The following DCHS2 variants were observed in gnomAD, a reference collection of about 807,000 sequenced individuals.
DCHS2 encodes the protein protocadherin-23.
DCHS2 carries 142 observed loss-of-function variants against 182.4 expected under a neutral mutation model. The observed-to-expected ratio is 0.78, with a 90% CI of 0.68 to 0.89. The LOEUF is 0.89. DCHS2 is among the 40% of genes least tolerant of loss of function. DCHS2 has a pLI of 0.00. For missense variants in DCHS2, 4,319 were observed against 4,198.6 expected, an observed-to-expected ratio of 1.03 and a Z score of -0.79; for synonymous variants, 1,740 against 1,663.3, an observed-to-expected ratio of 1.05 and a Z score of -1.12.
chr4:154,410,574 C>CAA (rs1160670540), intron 1 of DCHS2, among the ~76,000 whole-genome samples: 49 of 35,372 alleles, frequency 1.4e-3, no homozygotes, highest in East Asian at 2.7e-3. Flanking sequence ...GACTCCATCT[C>CAA]AAAAAAAAAA....
intron 6 of DCHS2, among the ~76,000 whole-genome samples, chr4:154,329,154 T>C (rs1377382841): frequency 6.6e-6 from 1 of 152,178 alleles, no homozygotes; most frequent in East Asian, 1.9e-4. Context: ...TACCCTTAAG[T>C]AACTATCTTA....
intron 4 of DCHS2, chr4:154,334,646 A>C (rs984907674): frequency 1.9e-6 from 1 of 522,534 alleles, no homozygotes; most frequent in Admixed American, 3.3e-5. Flanking sequence ...TATTTTAAAC[A>C]TTCTTTTTAA....
intron 1 of DCHS2, among the ~76,000 whole-genome samples, chr4:154,431,307 T>G (rs1485793780): frequency 1.3e-5 from 2 of 152,138 alleles, no homozygotes; most frequent in African/African-American, 4.8e-5. Context: ...GTGTATGACT[T>G]AAAGAAATCA....
chr4:154,326,925 C>T (rs1736307653), intron 7 of DCHS2, among the ~76,000 whole-genome samples: 1 of 152,178 alleles, frequency 6.6e-6, no homozygotes, highest in Non-Finnish European at 1.5e-5. Context: ...CCTCATTGAA[C>T]ATTTGATTGA....
chr4:154,286,195 A>G (rs529205485), intron 13 of DCHS2, among the ~76,000 whole-genome samples: 1 of 152,234 alleles, frequency 6.6e-6, no homozygotes, highest in South Asian at 2.1e-4. Flanking sequence ...CACAACACCA[A>G]AGTCACTTCG....
intron 14 of DCHS2, among the ~76,000 whole-genome samples, chr4:154,266,660 A>AC (rs1733281650): frequency 6.6e-6 from 1 of 151,680 alleles, no homozygotes; most frequent in Non-Finnish European, 1.5e-5. Flanking sequence ...CGTCTCAAAA[A>AC]AAAAAAAAAA....
At chr4:154,348,074 C>A (rs1239068708) in intron 3 of DCHS2, among the ~76,000 whole-genome samples, 1 of 151,966 alleles carries the variant, frequency 6.6e-6, no homozygotes, top group Admixed American at 6.5e-5. Context: ...AAGCTGGATA[C>A]TGACACAAGT....
chr4:154,329,681 G>A lies in DCHS2; in HGVS notation c.3760C>T (p.Arg1254Cys), dbSNP rs770120703. The A allele has an allele frequency of 3.1e-6, 5 of 1,611,866 alleles. No homozygotes were observed. The highest frequency in any genetic ancestry group is 4.2e-6 in the Non-Finnish European group (5 of 1,179,822). ...ATCTCATGGTGCCCCCGGTGCTCAC[G>A]ATCCAGTGCCACCCAATTGATTAAC... ...GELINWVALD[R>C]EHRGHHEMTV... Residue 1254 changes from arginine to cysteine, a missense_variant, in exon 6 of 20, where the codon CGT (arginine) becomes TGT (cysteine). Coordinates refer to ENST00000357232, the MANE Select transcript of DCHS2 (RefSeq NM_001358235.2).
intron 1 of DCHS2, among the ~76,000 whole-genome samples, chr4:154,444,305 A>G (rs1442685649): frequency 6.6e-6 from 1 of 152,096 alleles, no homozygotes; most frequent in African/African-American, 2.4e-5. Flanking sequence ...TCTCACTTGG[A>G]TATTTTTTAG....
chr4:154,341,853 C>T (rs1729123924), intron 3 of DCHS2, among the ~76,000 whole-genome samples: 1 of 152,136 alleles, frequency 6.6e-6, no homozygotes, highest in South Asian at 2.1e-4. Flanking sequence ...TATTTCCTGT[C>T]TGAAAGTGCT....
intron 1 of DCHS2, among the ~76,000 whole-genome samples, chr4:154,418,251 G>A (rs1019248965): frequency 1.3e-5 from 2 of 152,132 alleles, no homozygotes; most frequent in Non-Finnish European, 2.9e-5. Flanking sequence ...TGTAGAACCC[G>A]AGGCTCAGAA....
At chr4:154,314,825 A>C (rs1735795582) in intron 10 of DCHS2, among the ~76,000 whole-genome samples, 3 of 145,308 alleles carry the variant, frequency 2.1e-5, no homozygotes, top group Non-Finnish European at 2.9e-5. Flanking sequence ...TTATATTCAT[A>C]TAATATTCAT....
At chr4:154,268,021 A>G (rs1733370768) in intron 14 of DCHS2, among the ~76,000 whole-genome samples, 1 of 152,132 alleles carries the variant, frequency 6.6e-6, no homozygotes, top group Admixed American at 6.5e-5. Flanking sequence ...CCCAAATTTA[A>G]TGCCTTTTCC....
At chr4:154,330,389 G>C (rs1343767758) in intron 5 of DCHS2, among the ~76,000 whole-genome samples, 3 of 152,116 alleles carry the variant, frequency 2.0e-5, no homozygotes, top group Non-Finnish European at 2.9e-5. Context: ...TGCTTTAGAA[G>C]CTTTATTTCA....
chr4:154,429,084 C>T (rs1228178301), intron 1 of DCHS2, among the ~76,000 whole-genome samples: 3 of 152,040 alleles, frequency 2.0e-5, no homozygotes, highest in Non-Finnish European at 4.4e-5. Context: ...TACAACCTGG[C>T]GATGGTTTAT....
At chr4:154,285,250 C>G (rs1734340566) in intron 13 of DCHS2, among the ~76,000 whole-genome samples, 1 of 152,104 alleles carries the variant, frequency 6.6e-6, no homozygotes, top group African/African-American at 2.4e-5. Flanking sequence ...CACCATGAAC[C>G]CTGGGCGAGA....
intron 1 of DCHS2, among the ~76,000 whole-genome samples, chr4:154,460,967 C>T (rs1311794157): frequency 6.6e-6 from 1 of 152,070 alleles, no homozygotes; most frequent in Non-Finnish European, 1.5e-5. Context: ...CCATTGTTCC[C>T]AAAATGGGCT....
rs1292606162 is a variant in DCHS2 at position 154,235,600 on chromosome 4, T to C, written c.9052A>G (p.Arg3018Gly). Residue 3018 changes from arginine to glycine, a missense_variant, in exon 20 of 20, where the codon AGA (arginine) becomes GGA (glycine). Physicochemically the swap from Arg to Gly is moderately radical, Grantham distance 125. Transcript: ENST00000357232. ...TTTATTGTGTCTTTTTGTTTATGTC[T>C]TAAAATCATTACAATTAGAATGCAG... ...LICILIVMIL[R>G]HKQKDTINNY... 1 of 1,613,960 alleles carries C rather than the reference T, an allele frequency of 6.2e-7. No individual in the cohort carries two copies. The highest frequency in any genetic ancestry group is 8.5e-7 in the Non-Finnish European group (1 of 1,179,936).
In DCHS2 at chr4:154,298,699, G is replaced by A. The variant is rs773899487; in HGVS notation, c.5615C>T (p.Thr1872Ile). 24 of 1,560,106 alleles carry A rather than the reference G, an allele frequency of 1.5e-5. No individual in the cohort carries two copies. Among genetic ancestry groups the A allele is most frequent in the Non-Finnish European group, 1.8e-5 (21 of 1,156,910 alleles). ...AVEYHIIDGN[T>I]DECFTINEMS... ...CTCATTTATAGTAAAGCACTCATCAGTATTTCCATCTATTAAAGAAAACAA... is the reference window on the plus strand; with the variant it reads ...CTCATTTATAGTAAAGCACTCATCAATATTTCCATCTATTAAAGAAAACAA... The change falls in exon 13 of 20, where the codon ACT becomes ATT. Residue 1872 changes from threonine to isoleucine, a missense_variant. Coordinates refer to ENST00000357232, the MANE Select transcript of DCHS2 (RefSeq NM_001358235.2).
Sources: gnomAD v4.1 joint callset for allele counts (sites outside exome capture counted in the v4.1 genomes callset) on GRCh38, gnomAD v4.1.1 for gene constraint, MANE v1.5 for transcripts, NCBI Gene and HGNC (gene_info 2026-07-23, HGNC 2026-07-21) for gene names.